LGR6: variants seen among roughly 807,000 people sequenced by gnomAD.
The protein encoded by LGR6 is leucine-rich repeat-containing G protein-coupled receptor 6.
LGR6 carries 45 observed loss-of-function variants against 69.4 expected under a neutral mutation model. The observed-to-expected ratio is 0.65, with a 90% CI of 0.51 to 0.83. The LOEUF (loss-of-function observed/expected upper bound fraction) is 0.83, where lower values mean the gene tolerates loss of function less well. LGR6 is among the 40% of genes least tolerant of loss of function. The pLI is 0.00. For missense variants in LGR6, 1,108 were observed against 1,246.7 expected, an observed-to-expected ratio of 0.89 and a Z score of 1.68; for synonymous variants, 538 against 555.0, an observed-to-expected ratio of 0.97 and a Z score of 0.43.
Position 202,259,899 on chromosome 1 carries a change from C to T in LGR6, c.429-16407C>T, listed in dbSNP as rs371857291. 1.3e-4 allele frequency among the ~76,000 whole-genome samples: 20 copies of T among 152,312 alleles called. 3 individuals carry two copies. The highest frequency in any genetic ancestry group is 5.8e-4 in the East Asian group (3 of 5,184). On this transcript the variant is annotated intron_variant, in intron 4 of 17. Transcript: ENST00000367278. ...CATAAGGCTCACAGAATGTGCCTCC[C>T]GGCTGTCAGCAATCACGGTCCTGCG...
At chr1:202,205,724 T>C in intron 1 of LGR6, among the ~76,000 whole-genome samples, 3 of 102,578 alleles carry the variant, frequency 2.9e-5, no homozygotes, top group African/African-American at 4.0e-5. Context: ...CACACACACC[T>C]TCTTCAAACA....
At chr1:202,249,159 A>G (rs1663009775) in intron 4 of LGR6, among the ~76,000 whole-genome samples, 1 of 152,132 alleles carries the variant, frequency 6.6e-6, no homozygotes. Flanking sequence ...AGTGGTGTCC[A>G]TCAGTTCTTC....
At chr1:202,204,524 A>AAC (rs1558003758) in intron 1 of LGR6, among the ~76,000 whole-genome samples, 1 of 1,804 alleles carries the variant, frequency 5.5e-4, no homozygotes, top group South Asian at 0.014. Context: ...CACACCTCCA[A>AAC]ACACACACAC....
intron 6 of LGR6, among the ~76,000 whole-genome samples, chr1:202,294,634 G>A (rs992036789): frequency 3.9e-5 from 6 of 152,192 alleles, no homozygotes; most frequent in Non-Finnish European, 5.9e-5. Context: ...AGTGGTGGGA[G>A]CATTCCAAGA....
Position 202,318,849 on chromosome 1 carries a change from G to A in LGR6, c.2546G>A (p.Gly849Glu), listed in dbSNP as rs200261176. The change falls in exon 18 of 18, where the codon GGG becomes GAG. Residue 849 changes from glycine (G) to glutamate (E), a missense_variant. Physicochemically the swap from Gly to Glu is moderately conservative, Grantham distance 98 (BLOSUM62 -2). Coordinates refer to ENST00000367278, the MANE Select transcript of LGR6 (RefSeq NM_001017403.2). ...RRLRPRAGDS[G>E]PLAYAAAGEL... ...CTTCGGCCCCGCGCAGGGGACTCAGGGCCCCTAGCCTATGCTGCGGCCGGG... is the reference window on the plus strand; with the variant it reads ...CTTCGGCCCCGCGCAGGGGACTCAGAGCCCCTAGCCTATGCTGCGGCCGGG... The A allele has an allele frequency of 1.2e-6, 2 of 1,613,520 alleles. No individual in the cohort carries two copies. Among genetic ancestry groups the A allele is most frequent in the African/African-American group, 1.3e-5 (1 of 75,048 alleles).
chr1:202,263,052 T>C (rs1664362598), intron 4 of LGR6, among the ~76,000 whole-genome samples: 1 of 152,070 alleles, frequency 6.6e-6, no homozygotes, highest in Non-Finnish European at 1.5e-5. Context: ...AGGTCATGAT[T>C]TCTTGTACCT....
At chr1:202,226,344 G>A (rs1312307590) in intron 2 of LGR6, among the ~76,000 whole-genome samples, 1 of 152,120 alleles carries the variant, frequency 6.6e-6, no homozygotes, top group Non-Finnish European at 1.5e-5. Flanking sequence ...TTCTCAAACT[G>A]AGTGTTACAG....
intron 15 of LGR6, 72 bp downstream of exon 15, chr1:202,309,248 A>C: frequency 6.4e-7 from 1 of 1,572,016 alleles, no homozygotes; most frequent in Non-Finnish European, 8.7e-7. Context: ...AGAAAGCCAG[A>C]TGGCCCCACC....
At chr1:202,215,027 G>A (rs1027706860) in intron 1 of LGR6, among the ~76,000 whole-genome samples, 34 of 151,722 alleles carry the variant, frequency 2.2e-4, no homozygotes, top group African/African-American at 7.5e-4. Context: ...GTGTGCGCGC[G>A]CGCGCGTTGG....
chr1:202,275,105 T>A (rs1452540042), intron 4 of LGR6, among the ~76,000 whole-genome samples: 1 of 152,180 alleles, frequency 6.6e-6, no homozygotes, highest in African/African-American at 2.4e-5. Flanking sequence ...TATCACCCCA[T>A]CCCACCCTAC....
chr1:202,319,137 C>G lies in LGR6; in HGVS notation c.2834C>G (p.Pro945Arg). ...CTGCTGAGGGCAGAGGGATCTACGC[C>G]AGCAGGTGGAGGCTTGTCAGGGGGT... ...ELLLRAEGSTPAGGGLSGGGG... is the reference protein window; with the variant it reads ...ELLLRAEGSTRAGGGLSGGGG... The change falls in exon 18 of 18, where the codon CCA becomes CGA. Residue 945 changes from proline to arginine, a missense_variant. Pro to Arg is a moderately radical substitution (Grantham distance 103). Coordinates refer to ENST00000367278, the MANE Select transcript of LGR6 (RefSeq NM_001017403.2). The G allele has an allele frequency of 6.2e-7, 1 of 1,614,140 alleles. No individual in the cohort carries two copies. Among genetic ancestry groups the G allele is most frequent in the Non-Finnish European group, 8.5e-7 (1 of 1,179,988 alleles).
rs1348080067 is a variant in LGR6, at chr1:202,193,867, T to TAG, written c.-120_-119dup. 2.2e-6 allele frequency: 1 copy of TAG among 451,708 alleles called. No homozygotes were observed. The highest frequency in any genetic ancestry group is 3.3e-6 in the Non-Finnish European group (1 of 298,700). The allele number at this position is 451,708 out of a possible 1,614,324, so 28.0% of individuals were successfully genotyped here. A position where few individuals can be genotyped will look rare whatever the true frequency, so the allele number is the denominator to read the frequency against. On this transcript the variant is annotated 5_prime_UTR_variant, in exon 1 of 18. Transcript: ENST00000367278. ...TCCCACCGCCGCCGCCGCCGCCCAA[T>TAG]AGAGCCCCTGGGGCGGTCCCCACCG...
chr1:202,277,416 G>T (rs1419391666), intron 5 of LGR6, among the ~76,000 whole-genome samples: 1 of 151,622 alleles, frequency 6.6e-6, no homozygotes, highest in Non-Finnish European at 1.5e-5. Context: ...ATATTCTTCT[G>T]TCAGGGTGCC....
chr1:202,219,267 C>T (rs919981247), intron 1 of LGR6, among the ~76,000 whole-genome samples: 9 of 152,222 alleles, frequency 5.9e-5, no homozygotes, highest in Non-Finnish European at 1.2e-4. Flanking sequence ...TGCCAAACCA[C>T]GAGCTGTCTC....
chr1:202,306,828 C>T (rs1467081063), intron 12 of LGR6, 40 bp from the exon 13 acceptor site: 1 of 1,581,570 alleles, frequency 6.3e-7, no homozygotes, highest in Admixed American at 1.7e-5. Context: ...GAGCCAGGGT[C>T]TGAGCCTGCC....
chr1:202,197,106 C>A (rs754031994), intron 1 of LGR6: 10 of 532,336 alleles, frequency 1.9e-5, no homozygotes, highest in Non-Finnish European at 3.5e-5. Flanking sequence ...GCTATGGGCT[C>A]CAGAAGGTAC....
At chr1:202,250,217 G>A (rs1003214399) in intron 4 of LGR6, among the ~76,000 whole-genome samples, 3 of 152,100 alleles carry the variant, frequency 2.0e-5, no homozygotes, top group African/African-American at 7.2e-5. Context: ...TACCTTGAAT[G>A]TCTCCTCCTG....
chr1:202,306,326 G>A (rs75278299), intron 12 of LGR6, among the ~76,000 whole-genome samples: 18,651 of 152,214 alleles, frequency 0.12, 1,444 homozygotes, highest in Middle Eastern at 0.24. Flanking sequence ...GGCCTCTTGA[G>A]CTTCCCTGTG....
At position 202,307,339 on chromosome 1, in the gene LGR6, C is replaced by T. The variant is rs1267962621; in HGVS notation, c.1218C>T (p.Ser406=). The change falls in exon 14 of 18, where the codon AGC becomes AGT. Residue 406 remains serine, a synonymous_variant. Transcript: ENST00000367278. ...CCCTCTCTGCCTGCAGGGATCTTAG[C>T]TGGAACGCCATCCGGTCCATCCACC... ...QLSSLQALDL[S]WNAIRSIHPE... The T allele has an allele frequency of 6.2e-7, 1 of 1,614,150 alleles. No homozygotes were observed. The highest frequency in any genetic ancestry group is 2.2e-5 in the East Asian group (1 of 44,862).
Sources: allele counts gnomAD v4.1 joint callset (sites outside exome capture counted in the v4.1 genomes callset), GRCh38; gene constraint gnomAD v4.1.1; transcripts MANE v1.5; gene names NCBI Gene and HGNC (gene_info 2026-07-23, HGNC 2026-07-21).